The following LNPEP variants were observed in gnomAD, a reference collection of about 807,000 sequenced individuals.
LNPEP encodes the protein leucyl-cystinyl aminopeptidase.
Under a neutral mutation model 120.6 loss-of-function variants are expected in LNPEP, and 64 were observed. That is an observed-to-expected ratio of 0.53 (90% CI 0.43 to 0.65). The LOEUF (loss-of-function observed/expected upper bound fraction) is 0.65, where lower values mean the gene tolerates loss of function less well. LNPEP is among the 30% of genes least tolerant of loss of function. The pLI, the probability that LNPEP is intolerant of heterozygous loss-of-function variation, is 0.00. For missense variants in LNPEP, 1,057 were observed against 1,200.0 expected (o/e 0.88, Z 1.76); for synonymous variants, 435 against 425.4 (o/e 1.02, Z -0.28).
chr5:96,988,339 C>CTTTTTTTTT (rs201343272), intron 4 of LNPEP, among the ~76,000 whole-genome samples: 56 of 125,226 alleles, frequency 4.5e-4, no homozygotes, highest in East Asian at 1.3e-3. Context: ...TTTTTCTTTT[C>CTTTTTTTTT]TTTTTTTTTT....
rs775359930 is a variant in LNPEP at position 97,013,840 on chromosome 5, T to G, written c.2219+9T>G. On this transcript the variant is annotated intron_variant, in intron 12 of 17. Coordinates refer to ENST00000231368, the MANE Select transcript of LNPEP (RefSeq NM_005575.3). ...ATCTTTGAACTTGCAGGGTAGAGTATACTTAGTTTGAGATTTTTTCTTTTT... is the reference window on the plus strand; with the variant it reads ...ATCTTTGAACTTGCAGGGTAGAGTAGACTTAGTTTGAGATTTTTTCTTTTT... The G allele has an allele frequency of 6.4e-7, 1 of 1,564,754 alleles. No homozygotes were observed. The highest frequency in any genetic ancestry group is 1.2e-5 in the South Asian group (1 of 82,742).
chr5:96,996,553 G>A lies in LNPEP; in HGVS notation c.1521+50G>A. ...ACTATGAATGCTAGGAGGAAAAATAGTCAAATCACATTTTCATGTATTTTC... is the reference window on the plus strand; with the variant it reads ...ACTATGAATGCTAGGAGGAAAAATAATCAAATCACATTTTCATGTATTTTC... On this transcript the variant is annotated intron_variant, in intron 7 of 17. Transcript: ENST00000231368. 3.3e-6 allele frequency: 3 copies of A among 919,336 alleles called. 1 individual carries two copies. Among genetic ancestry groups the A allele is most frequent in the South Asian group, 2.7e-5 (2 of 73,078 alleles). 56.9% of individuals were successfully genotyped at this position (919,336 alleles called of 1,614,324 possible). A position where few individuals can be genotyped will look rare whatever the true frequency, so the allele number is the denominator to read the frequency against.
In LNPEP at chr5:96,936,194, G is replaced by GC. The variant is rs1788859416; in HGVS notation, c.19+22dup. On this transcript the variant is annotated intron_variant, in intron 1 of 17. Coordinates refer to ENST00000231368, the MANE Select transcript of LNPEP (RefSeq NM_005575.3). The stretch of plus-strand genomic sequence containing the variant: ...CCAATGGTGAGTGGGCTGCCGAGGC[G>GC]CCGGGACCCGGGCTCTCCGGAGCCC... The GC allele has an allele frequency of 7.0e-7, 1 of 1,435,584 alleles. No individual in the cohort carries two copies. Among genetic ancestry groups the GC allele is most frequent in the African/African-American group, 1.5e-5 (1 of 66,644 alleles). The allele number at this position is 1,435,584 out of a possible 1,614,324, so 88.9% of individuals were successfully genotyped here.
chr5:96,998,416 C>T (rs780468175), intron 8 of LNPEP, among the ~76,000 whole-genome samples: 2 of 152,062 alleles, frequency 1.3e-5, no homozygotes, highest in Non-Finnish European at 2.9e-5. Context: ...TCAGTTTACT[C>T]TCCAGATCTA....
chr5:97,008,506 A>G (rs1228584116), intron 11 of LNPEP, among the ~76,000 whole-genome samples: 1 of 149,882 alleles, frequency 6.7e-6, no homozygotes, highest in African/African-American at 2.5e-5. Context: ...ATGTATCACC[A>G]TGCTTGGCTT....
At chr5:97,021,366 T>C (rs1791188884) in intron 13 of LNPEP, among the ~76,000 whole-genome samples, 1 of 152,206 alleles carries the variant, frequency 6.6e-6, no homozygotes, top group Non-Finnish European at 1.5e-5. Context: ...GTTTGAAAGT[T>C]CTTTAAATAA....
At chr5:96,965,285 A>C (rs1005636473) in intron 1 of LNPEP, among the ~76,000 whole-genome samples, 4 of 151,716 alleles carry the variant, frequency 2.6e-5, no homozygotes, top group Admixed American at 1.3e-4. Flanking sequence ...TTACATGTGG[A>C]TATGTGTTGC....
intron 1 of LNPEP, among the ~76,000 whole-genome samples, chr5:96,952,632 C>T (rs1182970602): frequency 1.3e-5 from 2 of 152,122 alleles, no homozygotes; most frequent in African/African-American, 4.8e-5. Context: ...CGGATTCTAC[C>T]GTCATTTATT....
At chr5:96,955,830 ATCTGGT>A (rs1480399124) in intron 1 of LNPEP, among the ~76,000 whole-genome samples, 1 of 152,222 alleles carries the variant, frequency 6.6e-6, no homozygotes, top group African/African-American at 2.4e-5. Flanking sequence ...TGGCTGGGTC[ATCTGGT>A]ACTGTAAGTT....
intron 4 of LNPEP, among the ~76,000 whole-genome samples, chr5:96,987,001 A>G (rs1561442102): frequency 6.6e-6 from 1 of 152,244 alleles, no homozygotes; most frequent in Non-Finnish European, 1.5e-5. Context: ...AAAATTAAAT[A>G]CAATTTAAAA....
chr5:97,021,040 A>G (rs1172003271), intron 13 of LNPEP, among the ~76,000 whole-genome samples: 1 of 152,240 alleles, frequency 6.6e-6, no homozygotes, highest in Non-Finnish European at 1.5e-5. Context: ...TACCGCAAGT[A>G]TACGTTTAGC....
At chr5:96,951,326 T>A (rs1292275544) in intron 1 of LNPEP, among the ~76,000 whole-genome samples, 4 of 152,172 alleles carry the variant, frequency 2.6e-5, no homozygotes, top group Non-Finnish European at 5.9e-5. Context: ...TGGCGCGATC[T>A]CAGCTCACTG....
At chr5:96,988,964 C>G (rs1217644253) in intron 4 of LNPEP, among the ~76,000 whole-genome samples, 1 of 151,966 alleles carries the variant, frequency 6.6e-6, no homozygotes, top group Non-Finnish European at 1.5e-5. Context: ...TCTAGGCAAG[C>G]TGAATTATTC....
In LNPEP at chr5:96,957,003, A is replaced by G. The variant is rs1177186096; in HGVS notation, c.19+20829A>G. ...TATTTTGGTACTTTTTATAGTTTCT[A>G]TTTCTCTGCTGAGAATTTTTACTTT... On this transcript the variant is annotated intron_variant, in intron 1 of 17. Coordinates refer to ENST00000231368, the MANE Select transcript of LNPEP (RefSeq NM_005575.3). 2.0e-5 allele frequency among the ~76,000 whole-genome samples: 3 copies of G among 151,822 alleles called. 1 individual carries two copies. The highest frequency in any genetic ancestry group is 2.0e-4 in the Admixed American group (3 of 15,250).
intron 1 of LNPEP, among the ~76,000 whole-genome samples, chr5:96,956,775 A>G (rs770898265): frequency 6.6e-6 from 1 of 152,092 alleles, no homozygotes. Flanking sequence ...CATATGTTTT[A>G]GTCCTTTTGA....
intron 7 of LNPEP, 104 bp from the exon 8 acceptor site, chr5:96,997,910 C>T: frequency 1.3e-6 from 1 of 775,120 alleles, no homozygotes; most frequent in African/African-American, 1.8e-5. Flanking sequence ...GTCATTTTTT[C>T]CTAATGATAT....
chr5:96,996,276 C>CT (rs904873145), intron 6 of LNPEP, 114 bp from the exon 7 acceptor site: 1 of 654,176 alleles, frequency 1.5e-6, no homozygotes, highest in African/African-American at 1.9e-5. Flanking sequence ...ATCAGTATAT[C>CT]TTTAAGATAT....
intron 1 of LNPEP, among the ~76,000 whole-genome samples, chr5:96,966,357 T>A (rs917168250): frequency 4.6e-5 from 7 of 151,880 alleles, no homozygotes; most frequent in African/African-American, 1.5e-4. Flanking sequence ...AAAATTAGCT[T>A]AATATGGTGG....
At chr5:97,022,636 C>CT (rs565546082) in intron 14 of LNPEP, 152 bp downstream of exon 14, 31,688 of 493,474 alleles carry the variant, frequency 0.064, no homozygotes, top group East Asian at 0.089. Context: ...TCAAACAAGA[C>CT]TTTTTTTTTT....
Sources: allele counts gnomAD v4.1 joint callset (sites outside exome capture counted in the v4.1 genomes callset), GRCh38; gene constraint gnomAD v4.1.1; transcripts MANE v1.5; gene names NCBI Gene and HGNC (gene_info 2026-07-23, HGNC 2026-07-21).